ESR2: variants seen among roughly 807,000 people sequenced by gnomAD.
The protein encoded by ESR2 is estrogen receptor beta.
ESR2 carries 36 observed loss-of-function variants against 49.6 expected under a neutral mutation model. That is an observed-to-expected ratio of 0.73 (90% confidence interval 0.56 to 0.96). The LOEUF (loss-of-function observed/expected upper bound fraction) is 0.96, where lower values mean the gene tolerates loss of function less well. ESR2 is among the 40% of genes least tolerant of loss of function. The pLI is 0.00. For missense variants in ESR2, 714 were observed against 693.0 expected (o/e 1.03, Z -0.34); for synonymous variants, 320 against 266.1 (o/e 1.20, Z -1.97).
At chr14:64,244,477 A>G (rs2075807944) in intron 7 of ESR2, among the ~76,000 whole-genome samples, 1 of 152,100 alleles carries the variant, frequency 6.6e-6, no homozygotes, top group African/African-American at 2.4e-5. Flanking sequence ...GCACCGTCCA[A>G]TTGGCTGAGT....
intron 1 of ESR2, among the ~76,000 whole-genome samples, chr14:64,309,375 G>T (rs2077154734): frequency 6.6e-6 from 1 of 152,156 alleles, no homozygotes; most frequent in Non-Finnish European, 1.5e-5. Context: ...ACTTTGGGAG[G>T]CCGAGGTGGG....
chr14:64,241,360 T>C (rs753138115), intron 7 of ESR2, among the ~76,000 whole-genome samples: 6 of 152,226 alleles, frequency 3.9e-5, no homozygotes, highest in East Asian at 1.9e-4. Context: ...TTGACATCAA[T>C]ACCACATTAT....
chr14:64,325,980 A>AAT (rs564056972), intron 1 of ESR2, among the ~76,000 whole-genome samples: 19,899 of 144,120 alleles, frequency 0.14, 1,677 homozygotes, highest in African/African-American at 0.25. Flanking sequence ...TTATACACAG[A>AAT]TTTTTTTTTT....
rs896665893 is a variant in ESR2 at position 64,229,042 on chromosome 14, G to A, written c.*4095C>T. On this transcript the variant is annotated 3_prime_UTR_variant, in exon 9 of 9. Transcript: ENST00000341099. ...TACACTTCCAAGGAACATATTCCAC[G>A]TGTTTGGGGAAAGCAGTCACAGACA... Among the ~76,000 whole-genome samples the A allele has an allele frequency of 5.3e-5, 8 of 152,158 alleles. No homozygotes were observed. The highest frequency in any genetic ancestry group is 2.1e-4 in the South Asian group (1 of 4,814).
chr14:64,281,130 A>C (rs1298420141), intron 2 of ESR2, among the ~76,000 whole-genome samples: 6 of 152,140 alleles, frequency 3.9e-5, no homozygotes, highest in African/African-American at 1.4e-4. Flanking sequence ...AAAAGAAGAG[A>C]GAAGAGAAGA....
At chr14:64,241,145 C>CAAAAAAAAAAAAAAAAAAAA (rs56347632) in intron 7 of ESR2, among the ~76,000 whole-genome samples, 1 of 95,436 alleles carries the variant, frequency 1.0e-5, no homozygotes, top group African/African-American at 4.0e-5. Context: ...GACTCCGTCT[C>CAAAAAAAAAAAAAAAAAAAA]AAAAAAAAAA....
At chr14:64,237,891 A>G (rs903145610) in intron 7 of ESR2, among the ~76,000 whole-genome samples, 3 of 152,228 alleles carry the variant, frequency 2.0e-5, no homozygotes, top group African/African-American at 7.2e-5. Flanking sequence ...AGGGAGTGGG[A>G]AATGATGGCT....
chr14:64,287,038 CTTTT>C (rs1039491459), intron 1 of ESR2, among the ~76,000 whole-genome samples: 1 of 135,502 alleles, frequency 7.4e-6, no homozygotes, highest in African/African-American at 2.8e-5. Flanking sequence ...TTTTTTTTTT[CTTTT>C]TTAATTGTGT....
intron 4 of ESR2, 88 bp from the exon 5 acceptor site, chr14:64,260,836 G>C: frequency 8.1e-7 from 1 of 1,236,018 alleles, no homozygotes; most frequent in Non-Finnish European, 1.1e-6. Context: ...TGGAGCCTGT[G>C]GGGCACGTAC....
At chr14:64,331,444 A>G (rs970089976) in intron 1 of ESR2, among the ~76,000 whole-genome samples, 35 of 152,360 alleles carry the variant, frequency 2.3e-4, no homozygotes, top group African/African-American at 8.2e-4. Flanking sequence ...AGAACAAGCA[A>G]GAAGTCCTGG....
chr14:64,244,150 G>A (rs145681890), intron 7 of ESR2, among the ~76,000 whole-genome samples: 31 of 152,296 alleles, frequency 2.0e-4, no homozygotes, highest in Non-Finnish European at 4.0e-4. Flanking sequence ...TGTAATCCCT[G>A]CACTTTCGGA....
intron 1 of ESR2, among the ~76,000 whole-genome samples, chr14:64,313,268 C>T (rs1259839096): frequency 6.6e-6 from 1 of 152,140 alleles, no homozygotes; most frequent in African/African-American, 2.4e-5. Flanking sequence ...CATGATAGCT[C>T]ATGCCTATAA....
intron 4 of ESR2, 28 bp downstream of exon 4, chr14:64,268,767 T>C: frequency 7.4e-7 from 1 of 1,346,500 alleles, no homozygotes; most frequent in Non-Finnish European, 1.1e-6. Context: ...AAGGCCCATA[T>C]TCAATAAGAA....
At chr14:64,301,112 T>C (rs992608132) in intron 1 of ESR2, among the ~76,000 whole-genome samples, 3 of 152,164 alleles carry the variant, frequency 2.0e-5, no homozygotes, top group Admixed American at 2.0e-4. Flanking sequence ...AGCTAGTAAG[T>C]AGCAGAGGGT....
At chr14:64,267,742 G>C (rs947094482) in intron 4 of ESR2, among the ~76,000 whole-genome samples, 6 of 151,594 alleles carry the variant, frequency 4.0e-5, no homozygotes, top group Non-Finnish European at 7.4e-5. Context: ...AAATTAGCCA[G>C]GCGTGGTGGT....
intron 1 of ESR2, among the ~76,000 whole-genome samples, chr14:64,310,670 T>C (rs1319330867): frequency 6.6e-6 from 1 of 151,944 alleles, no homozygotes; most frequent in Non-Finnish European, 1.5e-5. Flanking sequence ...CGAGGTTTCA[T>C]TATGTTGGCC....
In ESR2 at chr14:64,282,966, G is replaced by T; in HGVS notation, c.20C>A (p.Pro7Gln). MDIKNSPSSLNSPSSYN... is the reference protein window; with the variant it reads MDIKNSQSSLNSPSSYN... ...GGAGGAAGGAGAATTAAGGCTAGAT[G>T]GTGAGTTTTTTATATCCATGTCTTG... Residue 7 changes from proline to glutamine, a missense_variant, in exon 2 of 9, where the codon CCA becomes CAA. Pro to Gln is a moderately conservative substitution (Grantham distance 76). Coordinates refer to ENST00000341099, the MANE Select transcript of ESR2 (RefSeq NM_001437.3). 1 of 1,612,758 alleles carries T rather than the reference G, an allele frequency of 6.2e-7. No homozygotes were observed. The highest frequency in any genetic ancestry group is 8.5e-7 in the Non-Finnish European group (1 of 1,179,084).
chr14:64,337,071 T>C (rs543233979), intron 1 of ESR2, among the ~76,000 whole-genome samples: 45 of 152,356 alleles, frequency 3.0e-4, no homozygotes, highest in Middle Eastern at 3.4e-3. Flanking sequence ...CAATAATATC[T>C]CTAGCACCTA....
intron 1 of ESR2, among the ~76,000 whole-genome samples, chr14:64,320,283 A>G (rs1451404202): frequency 6.6e-6 from 1 of 152,104 alleles, no homozygotes; most frequent in East Asian, 1.9e-4. Context: ...TAAAAAGATC[A>G]AGCCGGGCAT....
Sources: gnomAD v4.1 joint callset for allele counts (sites outside exome capture counted in the v4.1 genomes callset) on GRCh38, gnomAD v4.1.1 for gene constraint, MANE v1.5 for transcripts, NCBI Gene and HGNC (gene_info 2026-07-23, HGNC 2026-07-21) for gene names.